Variants in ZCCHC2 observed in about 807,000 individuals in gnomAD.
The protein encoded by ZCCHC2 is zinc finger CCHC domain-containing protein 2.
In ZCCHC2, 39 loss-of-function variants were observed where a neutral mutation model predicts 103.6. That is an observed-to-expected ratio of 0.38 (90% CI 0.29 to 0.49). The LOEUF (loss-of-function observed/expected upper bound fraction) is 0.49. Among genes scored for constraint, ZCCHC2 ranks in the 20% least tolerant of loss-of-function variants. The pLI is 0.96. For synonymous variants in ZCCHC2, 687 were observed against 608.9 expected, an observed-to-expected ratio of 1.13 and a Z score of -1.89; for missense variants, 1,483 against 1,491.0, an observed-to-expected ratio of 0.99 and a Z score of 0.09.
intron 1 of ZCCHC2, among the ~76,000 whole-genome samples, chr18:62,538,275 AAAG>A (rs1389884730): frequency 7.3e-5 from 11 of 151,418 alleles, no homozygotes; most frequent in Non-Finnish European, 1.0e-4. Flanking sequence ...AAAAAAAAAA[AAAG>A]AAAGAATTGG....
intron 1 of ZCCHC2, among the ~76,000 whole-genome samples, chr18:62,534,278 A>G (rs1315491633): frequency 2.0e-5 from 3 of 150,970 alleles, no homozygotes; most frequent in Non-Finnish European, 2.9e-5. Context: ...TTGCTGTGCA[A>G]TCCAGCCTGG....
rs927746382 is a variant in ZCCHC2 at position 62,523,594 on chromosome 18, C to G, written c.170C>G (p.Pro57Arg). 9 of 1,027,680 alleles carry G rather than the reference C, an allele frequency of 8.8e-6. No homozygotes were observed. Among genetic ancestry groups the G allele is most frequent in the Non-Finnish European group, 1.1e-5 (9 of 856,460 alleles). The allele number at this position is 1,027,680 out of a possible 1,614,324, so 63.7% of individuals were successfully genotyped here. Residue 57 changes from proline (P) to arginine (R), a missense_variant, in exon 1 of 14, where the codon CCT becomes CGT. Around this residue, in one of 3 missense-constraint regions of ZCCHC2, gnomAD observed 568 missense variants for 525.1 expected, o/e 1.08. Transcript: ENST00000269499. ...CCGCCCGCGGGCCCGTCGCGGGGCC[C>G]TCTGCCGCCGCCGCCGCCGCCCCGG... ...PPPPAGPSRG[P>R]LPPPPPPRGL...
intron 14 of ZCCHC2, among the ~76,000 whole-genome samples, chr18:62,583,739 G>A (rs913469354): frequency 2.0e-5 from 3 of 152,016 alleles, no homozygotes; most frequent in Admixed American, 6.5e-5. Context: ...GAGTTTCGAG[G>A]TGTGAGATAT....
At chr18:62,562,901 G>A in intron 8 of ZCCHC2, 108 bp from the exon 9 acceptor site, 1 of 1,303,940 alleles carries the variant, frequency 7.7e-7, no homozygotes, top group Non-Finnish European at 1.1e-6. Flanking sequence ...GGCATTCCTT[G>A]AAGAAACTAA....
At chr18:62,535,507 T>C (rs2145491284) in intron 1 of ZCCHC2, among the ~76,000 whole-genome samples, 1 of 152,300 alleles carries the variant, frequency 6.6e-6, no homozygotes, top group East Asian at 1.9e-4. Flanking sequence ...ATAACTATAG[T>C]GAAGAGTTTG....
chr18:62,576,197 C>T (rs1157110475), intron 13 of ZCCHC2, among the ~76,000 whole-genome samples: 1 of 152,174 alleles, frequency 6.6e-6, no homozygotes, highest in Non-Finnish European at 1.5e-5. Flanking sequence ...TTTATGTCAA[C>T]TTCAGGCTGT....
At chr18:62,550,558 C>G (rs1915622034) in intron 5 of ZCCHC2, 98 bp downstream of exon 5, 1 of 806,370 alleles carries the variant, frequency 1.2e-6, no homozygotes, top group Non-Finnish European at 2.0e-6. Context: ...GAGATCCTTT[C>G]TCTGGCGTAC....
At chr18:62,552,072 G>A (rs925478463) in intron 5 of ZCCHC2, 1 of 152,150 alleles carries the variant, frequency 6.6e-6, no homozygotes, top group East Asian at 1.9e-4. Flanking sequence ...CTGGGAGGGG[G>A]AGAGTATTTT....
In ZCCHC2 at chr18:62,523,508, G is replaced by A; in HGVS notation, c.84G>A (p.Arg28=). 3.1e-6 allele frequency: 3 copies of A among 983,080 alleles called. No homozygotes were observed. The South Asian group carries it at 1.3e-4, about 41-fold the overall frequency. 60.9% of individuals were successfully genotyped at this position (983,080 alleles called of 1,614,324 possible). A position where few individuals can be genotyped will look rare whatever the true frequency, so the allele number is the denominator to read the frequency against. ...CGGAGGAGCCCGAGGCGGACGCGCG[G>A]CCGGGCGCGAAGGCGCCTTCGCGCC... is the stretch of plus-strand genomic sequence containing the variant. The part of the protein sequence containing the change: ...PEAEEPEADA[R]PGAKAPSRRR... Residue 28 remains arginine (R), a synonymous_variant, in exon 1 of 14, where the codon CGG becomes CGA. Transcript: ENST00000269499.
chr18:62,551,027 A>G (rs1598946518), intron 5 of ZCCHC2, among the ~76,000 whole-genome samples: 1 of 152,352 alleles, frequency 6.6e-6, no homozygotes, highest in Non-Finnish European at 1.5e-5. Context: ...AGACACAGGC[A>G]AGGCGCGTCA....
At chr18:62,558,524 G>A (rs1915984941) in intron 6 of ZCCHC2, 163 bp from the exon 7 acceptor site, 4 of 451,502 alleles carry the variant, frequency 8.9e-6, no homozygotes, top group East Asian at 7.7e-5. Context: ...CCCACTCACA[G>A]TCTAGTGCTT....
Position 62,574,952 on chromosome 18 carries a change from TC to T in ZCCHC2, c.2873del (p.Pro958LeufsTer19). ...AGISQAQATV[P>X]PAVPTHTPGP... is the part of the protein sequence containing the mutation. ...GTATCAGCCAGGCCCAGGCAACTGT[TC>T]CTCCTGCAGTTCCTACCCACACCCC... On this transcript the variant is annotated frameshift_variant, in exon 13 of 14. Coordinates refer to ENST00000269499, the MANE Select transcript of ZCCHC2 (RefSeq NM_017742.6). LOFTEE classifies it high-confidence loss of function. The T allele has an allele frequency of 1.2e-6, 2 of 1,613,820 alleles. No homozygotes were observed. Among genetic ancestry groups the T allele is most frequent in the Non-Finnish European group, 1.7e-6 (2 of 1,179,880 alleles).
intron 12 of ZCCHC2, among the ~76,000 whole-genome samples, chr18:62,573,414 T>C (rs946728035): frequency 6.6e-6 from 1 of 152,200 alleles, no homozygotes; most frequent in Admixed American, 6.5e-5. Flanking sequence ...ATTTGCTGTT[T>C]TGCTGTTTTG....
intron 12 of ZCCHC2, among the ~76,000 whole-genome samples, chr18:62,570,451 A>G (rs539059748): frequency 6.6e-6 from 1 of 152,364 alleles, no homozygotes; most frequent in South Asian, 2.1e-4. Flanking sequence ...TTCACTGCAT[A>G]TGAAGTTAAG....
At position 62,524,012 on chromosome 18, in the gene ZCCHC2, C is replaced by G; in HGVS notation, c.588C>G (p.Pro196=). The change falls in exon 1 of 14, where the codon CCC becomes CCG. Residue 196 remains proline (P), a synonymous_variant. Coordinates refer to ENST00000269499, the MANE Select transcript of ZCCHC2 (RefSeq NM_017742.6). The part of the protein sequence containing the change: ...EAAGRLHRLL[P]QVDSVLKSLR... ...CTGGCCGTCTGCACCGCCTGCTACC[C>G]CAGGTGGACTCGGTGCTCAAAAGCC... is the stretch of plus-strand genomic sequence containing the variant. 1.3e-6 allele frequency: 2 copies of G among 1,481,824 alleles called. No individual in the cohort carries two copies. The highest frequency in any genetic ancestry group is 1.8e-6 in the Non-Finnish European group (2 of 1,125,146). 91.8% of individuals were successfully genotyped at this position (1,481,824 alleles called of 1,614,324 possible).
rs955056652 is a variant in ZCCHC2, at chr18:62,526,332, C to A, written c.939+1969C>A. ...GGGAATAAATCATAGGGGCCGCGTA[C>A]TACAGGTGACACTGGGCTATTTCTA... is the stretch of plus-strand genomic sequence containing the variant. On this transcript the variant is annotated intron_variant, in intron 1 of 13. Transcript: ENST00000269499. 3.3e-5 allele frequency: 5 copies of A among 152,336 alleles called. No homozygotes were observed. In the East Asian group the frequency reaches 7.7e-4, roughly 23 times the overall value. The allele number at this position is 152,336 out of a possible 1,614,324, so 9.4% of individuals were successfully genotyped here. A position where few individuals can be genotyped will look rare whatever the true frequency, so the allele number is the denominator to read the frequency against.
intron 14 of ZCCHC2, among the ~76,000 whole-genome samples, chr18:62,584,287 C>T (rs1284479930): frequency 6.6e-6 from 1 of 152,074 alleles, no homozygotes; most frequent in Non-Finnish European, 1.5e-5. Flanking sequence ...GACCGGAGAC[C>T]CTTCACGCAG....
At chr18:62,546,516 T>C (rs1337100029) in intron 4 of ZCCHC2, among the ~76,000 whole-genome samples, 1 of 152,248 alleles carries the variant, frequency 6.6e-6, no homozygotes, top group Non-Finnish European at 1.5e-5. Flanking sequence ...TCTGCTGTTC[T>C]TCCCACAACA....
chr18:62,573,843 CTGTT>C (rs1916686295), intron 12 of ZCCHC2, among the ~76,000 whole-genome samples: 1 of 152,118 alleles, frequency 6.6e-6, no homozygotes, highest in Admixed American at 6.5e-5. Flanking sequence ...GTTTTGTTTT[CTGTT>C]TATATCCCCG....
Sources: allele counts gnomAD v4.1 joint callset (sites outside exome capture counted in the v4.1 genomes callset), GRCh38; gene constraint gnomAD v4.1.1; regional missense constraint gnomAD v4.1.1; transcripts MANE v1.5; gene names NCBI Gene and HGNC (gene_info 2026-07-23, HGNC 2026-07-21).